The following MAPK11 variants were observed in gnomAD, a reference collection of about 807,000 sequenced individuals.
MAPK11 encodes mitogen-activated protein kinase 11, also known as MAP kinase 11.
MAPK11 carries 44 observed loss-of-function variants against 52.2 expected under a neutral mutation model. That is an observed-to-expected ratio of 0.84 (90% CI 0.66 to 1.08). MAPK11 has a LOEUF of 1.08. Among genes scored for constraint, MAPK11 ranks in the 50% least tolerant of loss-of-function variants. MAPK11 has a pLI of 0.00. For synonymous variants in MAPK11, 233 were observed against 206.3 expected, an observed-to-expected ratio of 1.13 and a Z score of -1.11; for missense variants, 436 against 494.7, an observed-to-expected ratio of 0.88 and a Z score of 1.13.
chr22:50,268,895 C>T (rs1187185483), intron 1 of MAPK11, among the ~76,000 whole-genome samples: 2 of 152,182 alleles, frequency 1.3e-5, no homozygotes, highest in East Asian at 1.9e-4. Context: ...GGGAAAGGTG[C>T]TCCTGAGGTG....
Position 50,265,319 on chromosome 22 carries a change from A to G in MAPK11, c.1015+2T>C. The G allele has an allele frequency of 6.2e-7, 1 of 1,612,460 alleles. No individual in the cohort carries two copies. The highest frequency in any genetic ancestry group is 1.1e-5 in the South Asian group (1 of 91,060). On this transcript the variant is annotated splice_donor_variant, in intron 11 of 11. Coordinates refer to ENST00000330651, the MANE Select transcript of MAPK11 (RefSeq NM_002751.7). LOFTEE classifies it high-confidence loss of function. ...CCCACCCCCAGCCACTGCCATGCTC[A>G]CCCTTCCACTCCTCCAGCGTGCGCT...
Position 50,270,023 on chromosome 22 carries a change from G to GC in MAPK11, c.116+153dup, listed in dbSNP as rs954886504. Among the ~76,000 whole-genome samples, 15 of 137,938 alleles carry GC rather than the reference G, an allele frequency of 1.1e-4. No individual in the cohort carries two copies. The highest frequency in any genetic ancestry group is 2.9e-4 in the Admixed American group (4 of 13,720). 90.5% of individuals were successfully genotyped at this position (137,938 alleles called of 152,430 possible). A position where few individuals can be genotyped will look rare whatever the true frequency, so the allele number is the denominator to read the frequency against. ...AAAGTTTCTTTACGCCGCCACCCCC[G>GC]CCCCCCCATTCATTCCTCAGATCCG... On this transcript the variant is annotated intron_variant, in intron 1 of 11. Transcript: ENST00000330651. The surrounding 1 kb of genome is among the most constrained non-coding windows in gnomAD (Gnocchi z 6.3).
intron 11 of MAPK11, 144 bp downstream of exon 11, chr22:50,265,177 C>T: frequency 6.2e-6 from 8 of 1,284,880 alleles, no homozygotes; most frequent in Non-Finnish European, 8.8e-6. Context: ...TGTGTCACTC[C>T]TCCGCCCCGC....
chr22:50,266,339 A>G (rs541291769), intron 8 of MAPK11, 34 bp from the exon 9 acceptor site: 2 of 1,579,876 alleles, frequency 1.3e-6, no homozygotes, highest in Non-Finnish European at 1.7e-6. Context: ...CGGGCCAGCC[A>G]CAGACCCCTC....
intron 1 of MAPK11, among the ~76,000 whole-genome samples, chr22:50,269,918 G>C (rs1443077014): frequency 6.6e-6 from 1 of 151,952 alleles, no homozygotes; most frequent in East Asian, 1.9e-4. Flanking sequence ...GACCTCCCAG[G>C]CCTCAGGCCT....
rs1464234259 is a variant in MAPK11, at chr22:50,265,643, C to T, written c.780G>A (p.Gln260=). Residue 260 remains glutamine (Q), a synonymous_variant, in exon 10 of 12, where the codon CAG becomes CAA. Transcript: ENST00000330651. ...CCTTCTGGGGCATGGGGGGCAGGGA[C>T]TGGATATATGTCCGGGCCTGGGGGC... ...ISSEHARTYI[Q]SLPPMPQKDL... 5 of 1,591,824 alleles carry T rather than the reference C, an allele frequency of 3.1e-6. No homozygotes were observed. The African/African-American group carries it at 6.7e-5, about 21-fold the overall frequency.
Position 50,264,128 on chromosome 22 carries a change from GGT to G in MAPK11, c.*818_*819del, listed in dbSNP as rs2065244030. ...AGAAAGCCCCTGCCCATGCTCATGT[GGT>G]TGCCCTTTGGCCCACTGGAGCCGCC... On this transcript the variant is annotated 3_prime_UTR_variant, in exon 12 of 12. Coordinates refer to ENST00000330651, the MANE Select transcript of MAPK11 (RefSeq NM_002751.7). The G allele has an allele frequency of 6.9e-6, 1 of 144,754 alleles. No homozygotes were observed. Among genetic ancestry groups the G allele is most frequent in the Non-Finnish European group, 1.5e-5 (1 of 66,978 alleles). 9.0% of individuals were successfully genotyped at this position (144,754 alleles called of 1,614,324 possible).
chr22:50,267,543 G>T (rs199500666), intron 3 of MAPK11, 26 bp downstream of exon 3: 306 of 1,545,340 alleles, frequency 2.0e-4, no homozygotes, highest in Non-Finnish European at 2.6e-4. Context: ...CGCGCTCCCC[G>T]CTGCCTCGCC....
intron 2 of MAPK11, 51 bp from the exon 3 acceptor site, chr22:50,267,678 C>G (rs1229988586): frequency 1.3e-6 from 2 of 1,485,674 alleles, no homozygotes; most frequent in African/African-American, 1.4e-5. Context: ...GGCTGTCGTT[C>G]AGCTCCCCCC....
rs762510760 is a variant in MAPK11, at chr22:50,267,291, G to C, written c.418-5C>G. 1 of 1,600,910 alleles carries C rather than the reference G, an allele frequency of 6.2e-7. No individual in the cohort carries two copies. Among genetic ancestry groups the C allele is most frequent in the Non-Finnish European group, 8.5e-7 (1 of 1,175,536 alleles). ...GATCCCGGCCGAGTGGATGTACTGCGGGAGGGGGATTGTGGTGAGCGCCGG... is the reference window on the plus strand; with the variant it reads ...GATCCCGGCCGAGTGGATGTACTGCCGGAGGGGGATTGTGGTGAGCGCCGG... On this transcript the variant is annotated splice_region_variant and splice_polypyrimidine_tract_variant and intron_variant, in intron 4 of 11. Transcript: ENST00000330651.
At position 50,264,849 on chromosome 22, in the gene MAPK11, TA is replaced by T. The variant is rs2065249427; in HGVS notation, c.*98del. The T allele has an allele frequency of 1.1e-6, 1 of 885,542 alleles. No homozygotes were observed. Among genetic ancestry groups the T allele is most frequent in the African/African-American group, 1.7e-5 (1 of 59,774 alleles). The allele number at this position is 885,542 out of a possible 1,614,324, so 54.9% of individuals were successfully genotyped here. A position where few individuals can be genotyped will look rare whatever the true frequency, so the allele number is the denominator to read the frequency against. On this transcript the variant is annotated 3_prime_UTR_variant, in exon 12 of 12. Coordinates refer to ENST00000330651, the MANE Select transcript of MAPK11 (RefSeq NM_002751.7). ...GTCCTAGGCCAGAAGTCTGTGACCA[TA>T]GGAGTGTGGGAGGTGCCTCTCGAGG...
intron 8 of MAPK11, 105 bp from the exon 9 acceptor site, chr22:50,266,410 G>A (rs900489684): frequency 1.2e-5 from 17 of 1,404,608 alleles, no homozygotes; most frequent in Non-Finnish European, 1.5e-5. Flanking sequence ...TATAGGTGAG[G>A]ATGGCCAGCC....
Position 50,265,670 on chromosome 22 carries a change from C to T in MAPK11, c.763-10G>A, listed in dbSNP as rs1032376374. 1.3e-6 allele frequency: 2 copies of T among 1,516,738 alleles called. No homozygotes were observed. Among genetic ancestry groups the T allele is most frequent in the Non-Finnish European group, 1.8e-6 (2 of 1,118,066 alleles). The allele number at this position is 1,516,738 out of a possible 1,614,324, so 94.0% of individuals were successfully genotyped here. On this transcript the variant is annotated splice_polypyrimidine_tract_variant and intron_variant, in intron 9 of 11. Transcript: ENST00000330651. ...GGATATATGTCCGGGCCTGGGGGCACACAAGAACACCTGGGGAGGCTGCTC... is the reference window on the plus strand; with the variant it reads ...GGATATATGTCCGGGCCTGGGGGCATACAAGAACACCTGGGGAGGCTGCTC...
In MAPK11 at chr22:50,265,605, A is replaced by G; in HGVS notation, c.818T>C (p.Ile273Thr). The part of the protein sequence containing the change: ...PPMPQKDLSS[I>T]FRGANPLAID... ...ACCCAGGGGGTTGGCTCCACGGAAG[A>G]TGCTGCTCAGGTCCTTCTGGGGCAT... is the stretch of plus-strand genomic sequence containing the variant. The change falls in exon 10 of 12, where the codon ATC becomes ACC. Residue 273 changes from isoleucine to threonine, a missense_variant. By Grantham distance (89) the Ile-to-Thr change is moderately conservative. Transcript: ENST00000330651. 2 of 1,611,038 alleles carry G rather than the reference A, an allele frequency of 1.2e-6. No homozygotes were observed. Among genetic ancestry groups the G allele is most frequent in the Non-Finnish European group, 1.7e-6 (2 of 1,178,994 alleles).
At position 50,267,440 on chromosome 22, in the gene MAPK11, G is replaced by A. The variant is rs199682896; in HGVS notation, c.348C>T (p.Ile116=). ...TTLMGADLNN[I]VKCQALSDEH... is the part of the protein sequence containing the mutation. ...CGTCGCTCAGCGCCTGGCACTTGAC[G>A]ATGTTGTTCAGGTCGGCGCCCATCA... is the stretch of plus-strand genomic sequence containing the variant. The change falls in exon 4 of 12, where the codon ATC becomes ATT. Residue 116 remains isoleucine (I), a synonymous_variant. Transcript: ENST00000330651. The A allele has an allele frequency of 3.1e-6, 5 of 1,610,656 alleles. No homozygotes were observed. In the East Asian group the frequency reaches 8.9e-5, roughly 29 times the overall value.
rs2065259813 is a variant in MAPK11 at position 50,266,079 on chromosome 22, G to A, written c.762+147C>T. 4.6e-6 allele frequency: 3 copies of A among 649,728 alleles called. No homozygotes were observed. The African/African-American group carries it at 5.5e-5, about 12-fold the overall frequency. The allele number at this position is 649,728 out of a possible 1,614,324, so 40.2% of individuals were successfully genotyped here. A position where few individuals can be genotyped will look rare whatever the true frequency, so the allele number is the denominator to read the frequency against. The stretch of plus-strand genomic sequence containing the variant: ...TCTTCCCCCTTCTCCTGTTTCCCCT[G>A]CAGGGATTGGGCACCTGCCCTAGGC... On this transcript the variant is annotated intron_variant, in intron 9 of 11. Transcript: ENST00000330651.
chr22:50,264,833 C>CGTATCATCAAAAAA lies in MAPK11; in HGVS notation c.*114_*115insTTTTTTGATGATAC. The CGTATCATCAAAAAA allele has an allele frequency of 1.4e-6, 1 of 737,824 alleles. No individual in the cohort carries two copies. Among genetic ancestry groups the CGTATCATCAAAAAA allele is most frequent in the Non-Finnish European group, 2.2e-6 (1 of 452,646 alleles). The allele number at this position is 737,824 out of a possible 1,614,324, so 45.7% of individuals were successfully genotyped here. ...CTCCTGAAGGCGAGGGGTCCTAGGCCAGAAGTCTGTGACCATAGGAGTGTG... is the reference window on the plus strand; with the variant it reads ...CTCCTGAAGGCGAGGGGTCCTAGGCCGTATCATCAAAAAAAGAAGTCTGTGACCATAGGAGTGTG... On this transcript the variant is annotated 3_prime_UTR_variant, in exon 12 of 12. Transcript: ENST00000330651.
At chr22:50,265,928 C>T (rs11704249) in intron 9 of MAPK11, among the ~76,000 whole-genome samples, 66,499 of 105,420 alleles carry the variant, frequency 0.63, 20,374 homozygotes, top group Non-Finnish European at 0.69. Flanking sequence ...CTGGGGTCCC[C>T]CAGCCCACCC....
At position 50,266,999 on chromosome 22, in the gene MAPK11, T is replaced by G. The variant is rs2065268038; in HGVS notation, c.545A>C (p.Tyr182Ser). Residue 182 changes from tyrosine (Y) to serine (S), a missense_variant, in exon 7 of 12, where the codon TAT becomes TCT. Transcript: ENST00000330651. Reference sequence around the variant, plus strand: ...TGCCCGGTACCAGCGCGTGGCCACATAGCCGGTCATCTCCTCGTCCGCCTG... The same window carrying G: ...TGCCCGGTACCAGCGCGTGGCCACAGAGCCGGTCATCTCCTCGTCCGCCTG... ...ARQADEEMTG[Y>S]VATRWYRAPE... is the part of the protein sequence containing the mutation. 6.2e-7 allele frequency: 1 copy of G among 1,612,468 alleles called. No individual in the cohort carries two copies. The highest frequency in any genetic ancestry group is 1.3e-5 in the African/African-American group (1 of 75,032).
Sources: allele counts gnomAD v4.1 joint callset (sites outside exome capture counted in the v4.1 genomes callset), GRCh38; gene constraint gnomAD v4.1.1; non-coding constraint Gnocchi (gnomAD v3.1); transcripts MANE v1.5; gene names NCBI Gene and HGNC (gene_info 2026-07-23, HGNC 2026-07-21).